CDH23: variants seen among roughly 807,000 people sequenced by gnomAD.
CDH23 encodes the protein cadherin-23.
A neutral mutation model predicts 317.1 loss-of-function variants in CDH23; 189 were observed. The observed-to-expected ratio is 0.60, with a 90% CI of 0.53 to 0.67. CDH23 has a LOEUF of 0.67. CDH23 is among the 30% of genes least tolerant of loss of function. CDH23 has a pLI of 0.00. For synonymous variants in CDH23, 1,839 were observed against 1,876.8 expected, an observed-to-expected ratio of 0.98 and a Z score of 0.52; for missense variants, 4,401 against 4,592.4, an observed-to-expected ratio of 0.96 and a Z score of 1.20.
At position 71,814,707 on chromosome 10, in the gene CDH23, A is replaced by C. The variant is rs571273103; in HGVS notation, c.9739-245A>C. Among the ~76,000 whole-genome samples the C allele has an allele frequency of 9.2e-4, 116 of 126,320 alleles. 1 individual carries two copies. Among genetic ancestry groups the C allele is most frequent in the African/African-American group, 3.6e-3 (111 of 31,052 alleles). The allele number at this position is 126,320 out of a possible 152,430, so 82.9% of individuals were successfully genotyped here. ...ACACACACACACAATTTTCACAAGA[A>C]GCCGATACACACACACACACACACA... On this transcript the variant is annotated intron_variant, in intron 69 of 69. Coordinates refer to ENST00000224721, the MANE Select transcript of CDH23 (RefSeq NM_022124.6).
At chr10:71,512,055 C>T (rs1854020912) in intron 6 of CDH23, 1 of 152,396 alleles carries the variant, frequency 6.6e-6, no homozygotes, top group African/African-American at 2.4e-5. Context: ...TGAGTTCTAA[C>T]TCCTTGATCC....
At chr10:71,583,671 C>T (rs1858816814) in intron 9 of CDH23, among the ~76,000 whole-genome samples, 1 of 152,156 alleles carries the variant, frequency 6.6e-6, no homozygotes, top group Non-Finnish European at 1.5e-5. Context: ...ACATCCGTTT[C>T]CCCATCTGCT....
At chr10:71,713,335 C>T (rs1430302843) in intron 28 of CDH23, 4 of 775,118 alleles carry the variant, frequency 5.2e-6, no homozygotes, top group African/African-American at 3.4e-5. Context: ...TTTGGGTGTG[C>T]ACCCACACCT....
At chr10:71,694,574 G>GCTT (rs1865306315) in intron 21 of CDH23, among the ~76,000 whole-genome samples, 3 of 152,140 alleles carry the variant, frequency 2.0e-5, no homozygotes, top group Non-Finnish European at 4.4e-5. Flanking sequence ...TTGCCTTGGT[G>GCTT]CCTGTCAACA....
chr10:71,759,804 C>T (rs1286814328), intron 38 of CDH23, among the ~76,000 whole-genome samples: 8 of 124,406 alleles, frequency 6.4e-5, no homozygotes, highest in Non-Finnish European at 1.3e-4. Context: ...AGAGTGAAAC[C>T]GTGTTTCAGA....
intron 55 of CDH23, 62 bp from the exon 56 acceptor site, chr10:71,805,744 A>G: frequency 1.3e-6 from 2 of 1,497,648 alleles, no homozygotes; most frequent in Non-Finnish European, 1.8e-6. Context: ...GGGCTCCCTC[A>G]GGACCTAGGA....
At chr10:71,806,362 T>A in intron 57 of CDH23, 81 bp downstream of exon 57, 1 of 933,006 alleles carries the variant, frequency 1.1e-6, no homozygotes, top group Non-Finnish European at 1.7e-6. Context: ...CTATATACAC[T>A]GTGCCAGAAT....
chr10:71,681,035 C>T (rs1234890), intron 17 of CDH23, among the ~76,000 whole-genome samples: 1 of 151,362 alleles, frequency 6.6e-6, no homozygotes, highest in Non-Finnish European at 1.5e-5. Context: ...CTAATGTTGG[C>T]CAGGCTGGTC....
chr10:71,639,314 G>T (rs372343293), intron 11 of CDH23, among the ~76,000 whole-genome samples: 3 of 152,080 alleles, frequency 2.0e-5, no homozygotes, highest in East Asian at 1.9e-4. Context: ...AGCCTCCTCC[G>T]CATCTCCACC....
chr10:71,427,686 C>T (rs1269630383), intron 1 of CDH23, among the ~76,000 whole-genome samples: 2 of 149,938 alleles, frequency 1.3e-5, no homozygotes, highest in Non-Finnish European at 3.0e-5. Flanking sequence ...AGTGGAATTC[C>T]TGGAGCATAG....
chr10:71,405,937 C>A (rs941337837), intron 1 of CDH23, among the ~76,000 whole-genome samples: 3 of 152,084 alleles, frequency 2.0e-5, no homozygotes, highest in African/African-American at 7.2e-5. Context: ...GCTGCACTGC[C>A]CAGTAGAAAA....
chr10:71,477,613 T>C (rs897220047), intron 3 of CDH23, among the ~76,000 whole-genome samples: 12 of 152,158 alleles, frequency 7.9e-5, no homozygotes, highest in African/African-American at 2.9e-4. Flanking sequence ...CTCCAGCCCA[T>C]CCTGTATCCT....
Position 71,452,579 on chromosome 10 carries a change from G to C in CDH23, c.145+6184G>C, listed in dbSNP as rs368172982. On this transcript the variant is annotated intron_variant, in intron 3 of 69. Coordinates refer to ENST00000224721, the MANE Select transcript of CDH23 (RefSeq NM_022124.6). The stretch of plus-strand genomic sequence containing the variant: ...GCTCAGATGTCCCTTGTGCTTAGAG[G>C]CTTCTGAAGCCTCCCCAGCCTGCCC... Among the ~76,000 whole-genome samples the C allele has an allele frequency of 7.0e-4, 106 of 152,182 alleles. 1 individual carries two copies. The highest frequency in any genetic ancestry group is 6.8e-3 in the Middle Eastern group (2 of 294).
At chr10:71,611,805 C>T (rs973735337) in intron 9 of CDH23, among the ~76,000 whole-genome samples, 2 of 152,210 alleles carry the variant, frequency 1.3e-5, no homozygotes, top group African/African-American at 4.8e-5. Flanking sequence ...GTGGTTTTAT[C>T]ATGAATGTCT....
chr10:71,798,400 G>A lies in CDH23; in HGVS notation c.6876G>A (p.Gln2292=), dbSNP rs1841462214. The change falls in exon 50 of 70, where the codon CAG becomes CAA. Residue 2292 remains glutamine, a synonymous_variant. Coordinates refer to ENST00000224721, the MANE Select transcript of CDH23 (RefSeq NM_022124.6). ...TGGACGTCAATGACAATACGCCCCA[G>A]TTCAAGCCCTTTGGGATCACCTACT... ...NVLDVNDNTP[Q]FKPFGITYYM... is the part of the protein sequence containing the mutation. 1 of 1,613,864 alleles carries A rather than the reference G, an allele frequency of 6.2e-7. No homozygotes were observed. The highest frequency in any genetic ancestry group is 2.2e-5 in the East Asian group (1 of 44,890).
At chr10:71,579,567 C>G (rs972438731) in intron 9 of CDH23, among the ~76,000 whole-genome samples, 1 of 152,212 alleles carries the variant, frequency 6.6e-6, no homozygotes, top group African/African-American at 2.4e-5. Flanking sequence ...CATGGAGATT[C>G]TCCTTCTGGA....
chr10:71,489,594 G>GGTGTGTGTGTGTGTGTGTGT (rs34392048), intron 3 of CDH23, among the ~76,000 whole-genome samples: 8 of 139,802 alleles, frequency 5.7e-5, no homozygotes, highest in Non-Finnish European at 1.1e-4. Context: ...AGTGCCTCGG[G>GGTGTGTGTGTGTGTGTGTGT]GTGTGTGTGT....
At chr10:71,554,242 A>G (rs1000310464) in intron 6 of CDH23, among the ~76,000 whole-genome samples, 1 of 152,110 alleles carries the variant, frequency 6.6e-6, no homozygotes, top group Non-Finnish European at 1.5e-5. Flanking sequence ...CTGTGGCCCC[A>G]GCTGGAGTGC....
intron 9 of CDH23, among the ~76,000 whole-genome samples, chr10:71,610,004 CAGAG>C (rs1860775994): frequency 8.2e-6 from 1 of 122,454 alleles, no homozygotes; most frequent in African/African-American, 3.0e-5. Context: ...GTGAGAGAGA[CAGAG>C]AGACGAGAGA....
Sources: gnomAD v4.1 joint callset for allele counts (sites outside exome capture counted in the v4.1 genomes callset) on GRCh38, gnomAD v4.1.1 for gene constraint, MANE v1.5 for transcripts, NCBI Gene and HGNC (gene_info 2026-07-23, HGNC 2026-07-21) for gene names.